The following AOAH variants were observed in gnomAD, a reference collection of about 807,000 sequenced individuals.
AOAH encodes the protein acyloxyacyl hydrolase.
A neutral mutation model predicts 92.2 loss-of-function variants in AOAH; 64 were observed. The observed-to-expected ratio is 0.69, with a 90% confidence interval of 0.57 to 0.86. AOAH has a LOEUF of 0.86. AOAH is among the 40% of genes least tolerant of loss of function. The probability of loss-of-function intolerance (pLI) is 0.00; values close to 1 mark genes in which losing one functional copy is unlikely to be tolerated. For synonymous variants in AOAH, 263 were observed against 254.5 expected, an observed-to-expected ratio of 1.03 and a Z score of -0.32; for missense variants, 656 against 694.6, an observed-to-expected ratio of 0.94 and a Z score of 0.62.
chr7:36,547,252 C>T (rs764925001), intron 15 of AOAH, among the ~76,000 whole-genome samples: 5 of 152,180 alleles, frequency 3.3e-5, no homozygotes, highest in Non-Finnish European at 7.4e-5. Flanking sequence ...CCTTGGCCAA[C>T]TTGGGGTTCT....
In AOAH at chr7:36,585,778, G is replaced by A. The variant is rs1435549356; in HGVS notation, c.938+8561C>T. ...ATGTACAAATGAAAATACACAGAAA[G>A]GGCCTGGATGGAATCACACTAAACT... On this transcript the variant is annotated intron_variant, in intron 12 of 20. Transcript: ENST00000617537. Among the ~76,000 whole-genome samples the A allele has an allele frequency of 3.3e-5, 5 of 152,258 alleles. No individual in the cohort carries two copies. The South Asian group carries it at 1.0e-3, about 32-fold the overall frequency.
intron 1 of AOAH, among the ~76,000 whole-genome samples, chr7:36,696,473 C>T (rs1277497164): frequency 2.6e-5 from 4 of 152,084 alleles, no homozygotes; most frequent in African/African-American, 4.8e-5. Context: ...AGAGTAATAG[C>T]GTTTCTGCTG....
chr7:36,537,464 C>A (rs1785141811), intron 16 of AOAH, among the ~76,000 whole-genome samples: 1 of 151,734 alleles, frequency 6.6e-6, no homozygotes, highest in Non-Finnish European at 1.5e-5. Flanking sequence ...GTTTAGCAAA[C>A]CCCCTGGCCT....
chr7:36,622,382 T>G (rs1262912071), intron 7 of AOAH, among the ~76,000 whole-genome samples: 1 of 152,242 alleles, frequency 6.6e-6, no homozygotes, highest in African/African-American at 2.4e-5. Context: ...TATGCAGGTT[T>G]AAATATTTGA....
chr7:36,693,804 A>G (rs1212613541), intron 1 of AOAH, among the ~76,000 whole-genome samples: 2 of 152,186 alleles, frequency 1.3e-5, no homozygotes, highest in Non-Finnish European at 2.9e-5. Context: ...GTTGAGAAAT[A>G]CCACTTATTC....
chr7:36,673,181 T>C (rs1796030771), intron 3 of AOAH, among the ~76,000 whole-genome samples: 1 of 152,192 alleles, frequency 6.6e-6, no homozygotes, highest in African/African-American at 2.4e-5. Flanking sequence ...GTATGGATCA[T>C]TGATGAGAGA....
At chr7:36,616,132 C>G (rs1399394620) in intron 11 of AOAH, among the ~76,000 whole-genome samples, 2 of 152,238 alleles carry the variant, frequency 1.3e-5, no homozygotes, top group East Asian at 1.9e-4. Flanking sequence ...CATTCTCCAC[C>G]TTCTTGACTC....
intron 10 of AOAH, 72 bp from the exon 11 acceptor site, chr7:36,616,546 A>G: frequency 8.3e-7 from 1 of 1,208,892 alleles, no homozygotes; most frequent in South Asian, 1.3e-5. Flanking sequence ...GGTAGATATA[A>G]GAGCGGATAC....
intron 1 of AOAH, among the ~76,000 whole-genome samples, chr7:36,711,815 A>G (rs1406911443): frequency 1.3e-5 from 2 of 152,150 alleles, no homozygotes; most frequent in Non-Finnish European, 2.9e-5. Context: ...AGCCAAGACC[A>G]TGAACCCCAC....
chr7:36,551,919 T>C (rs1786289250), intron 13 of AOAH, among the ~76,000 whole-genome samples: 1 of 152,202 alleles, frequency 6.6e-6, no homozygotes, highest in African/African-American at 2.4e-5. Flanking sequence ...TAATTTCAAC[T>C]TTTACTTTTG....
At position 36,519,440 on chromosome 7, in the gene AOAH, GT is replaced by G. The variant is rs541732334; in HGVS notation, c.1599+2598del. Among the ~76,000 whole-genome samples, 190 of 152,200 alleles carry G rather than the reference GT, an allele frequency of 1.2e-3. 1 individual carries two copies. The highest frequency in any genetic ancestry group is 4.3e-3 in the African/African-American group (177 of 41,536). ...CATCACCTCCTCTGAAAACATTTTT[GT>G]TTTTTTGAGATGGAGTTTCGCTCTT... On this transcript the variant is annotated intron_variant, in intron 20 of 20. Transcript: ENST00000617537.
At chr7:36,524,017 C>A (rs186230880) in intron 19 of AOAH, among the ~76,000 whole-genome samples, 390 of 152,156 alleles carry the variant, frequency 2.6e-3, no homozygotes, top group African/African-American at 9.1e-3. Context: ...AGGCCCGGGC[C>A]AGGTGAAATG....
intron 13 of AOAH, among the ~76,000 whole-genome samples, chr7:36,551,368 G>T (rs903866218): frequency 3.3e-5 from 5 of 152,074 alleles, no homozygotes; most frequent in African/African-American, 1.2e-4. Flanking sequence ...CACCGCATCT[G>T]GCCTCATTTC....
intron 1 of AOAH, among the ~76,000 whole-genome samples, chr7:36,718,734 G>A (rs1197177042): frequency 1.3e-5 from 2 of 152,130 alleles, no homozygotes; most frequent in Admixed American, 6.6e-5. Context: ...GTATTTATGT[G>A]AAATGCCCAT....
chr7:36,603,957 T>C (rs1345644936), intron 11 of AOAH, among the ~76,000 whole-genome samples: 1 of 152,240 alleles, frequency 6.6e-6, no homozygotes, highest in African/African-American at 2.4e-5. Flanking sequence ...TATAGTGTAA[T>C]TTATAAACAA....
intron 11 of AOAH, among the ~76,000 whole-genome samples, chr7:36,615,137 C>T (rs1325419235): frequency 1.3e-5 from 2 of 152,130 alleles, no homozygotes; most frequent in Admixed American, 1.3e-4. Flanking sequence ...GCTGAAAGCA[C>T]CCTCCAGGGA....
chr7:36,527,153 G>A (rs1712058806), intron 19 of AOAH, among the ~76,000 whole-genome samples: 1 of 152,204 alleles, frequency 6.6e-6, no homozygotes, highest in Non-Finnish European at 1.5e-5. Context: ...GAGTCAGCAA[G>A]AGACAGAAAG....
chr7:36,575,661 A>G (rs1583857076), intron 13 of AOAH, among the ~76,000 whole-genome samples: 1 of 152,224 alleles, frequency 6.6e-6, no homozygotes, highest in South Asian at 2.1e-4. Context: ...GGCAGCAATT[A>G]TTTTATTAGT....
chr7:36,542,215 CAA>C (rs1333551113), intron 15 of AOAH, among the ~76,000 whole-genome samples: 1 of 152,140 alleles, frequency 6.6e-6, no homozygotes, highest in Non-Finnish European at 1.5e-5. Flanking sequence ...TGCCACAAGC[CAA>C]AGAGTGCTGA....
Sources: gnomAD v4.1 joint callset for allele counts (sites outside exome capture counted in the v4.1 genomes callset) on GRCh38, gnomAD v4.1.1 for gene constraint, MANE v1.5 for transcripts, NCBI Gene and HGNC (gene_info 2026-07-23, HGNC 2026-07-21) for gene names.